Variants in RFX4 observed in about 807,000 individuals in gnomAD.
RFX4 encodes the protein regulatory factor X4, also known as transcription factor RFX4.
Under a neutral mutation model 95.0 loss-of-function variants are expected in RFX4, and 10 were observed. The ratio of observed to expected loss-of-function variants is 0.11; its 90% confidence interval spans 0.06 to 0.18. The LOEUF is 0.18. RFX4 is among the 10% of genes least tolerant of loss of function. The pLI is 1.00. For synonymous variants in RFX4, 321 were observed against 340.7 expected (o/e 0.94, Z 0.64); for missense variants, 640 against 922.0 (o/e 0.69, Z 3.96).
In RFX4 at chr12:106,720,821, C is replaced by T. The variant is rs2137529928; in HGVS notation, c.1296C>T (p.Ser432=). ...KVAQQFLLMW[S]CFGTRVIRDM... ...CCCAGCAGTTCCTCTTGATGTGGTC[C>T]TGTTTCGGCACAAGGGTGATCCGGG... Residue 432 remains serine (S), a synonymous_variant, in exon 13 of 18, where the codon TCC becomes TCT. Transcript: ENST00000392842. The surrounding 1 kb of genome is among the most constrained non-coding windows in gnomAD (Gnocchi z 4.2). 1.2e-6 allele frequency: 2 copies of T among 1,613,652 alleles called. No individual in the cohort carries two copies. Among genetic ancestry groups the T allele is most frequent in the East Asian group, 2.2e-5 (1 of 44,878 alleles).
chr12:106,732,228 A>T lies in RFX4; in HGVS notation c.1450A>T (p.Met484Leu), dbSNP rs747843571. ...QERANELMRA[M>L]KGEGSTAEVR... is the part of the protein sequence containing the mutation. ...GCGGGCCAATGAGCTCATGCGAGCC[A>T]TGAAGGGAGAAGGAAGCACTGGTAA... Residue 484 changes from methionine to leucine, a missense_variant, in exon 14 of 18, where the codon ATG (methionine) becomes TTG (leucine). By Grantham distance (15) the Met-to-Leu change is conservative. Coordinates refer to ENST00000392842, the MANE Select transcript of RFX4 (RefSeq NM_213594.3). 1.4e-5 allele frequency: 23 copies of T among 1,614,022 alleles called. No individual in the cohort carries two copies. In the East Asian group the frequency reaches 4.9e-4, roughly 34 times the overall value.
chr12:106,672,825 A>C (rs1278250988), intron 4 of RFX4, among the ~76,000 whole-genome samples: 2 of 150,828 alleles, frequency 1.3e-5, no homozygotes, highest in Non-Finnish European at 2.9e-5. Flanking sequence ...TGCAAGGAGG[A>C]GGTGCTATCT....
intron 13 of RFX4, among the ~76,000 whole-genome samples, chr12:106,731,158 G>A (rs140630962): frequency 3.0e-4 from 46 of 152,302 alleles, no homozygotes; most frequent in African/African-American, 1.1e-3. Flanking sequence ...AACATGGGAT[G>A]GGAGATAAAG....
Position 106,595,114 on chromosome 12 carries a change from A to G in RFX4, c.43+11751A>G, listed in dbSNP as rs575505554. The stretch of plus-strand genomic sequence containing the variant: ...ACACTTATGCATGTTACTTTATTTA[A>G]CTCACATATTGACTCTATGGTATTA... On this transcript the variant is annotated intron_variant, in intron 1 of 17. Coordinates refer to ENST00000392842, the MANE Select transcript of RFX4 (RefSeq NM_213594.3). 2.0e-5 allele frequency among the ~76,000 whole-genome samples: 3 copies of G among 152,212 alleles called. No homozygotes were observed. In the South Asian group the frequency reaches 6.2e-4, roughly 32 times the overall value.
Position 106,583,053 on chromosome 12 carries a change from C to G in RFX4, c.-268C>G. On this transcript the variant is annotated 5_prime_UTR_variant, in exon 1 of 18. Coordinates refer to ENST00000392842, the MANE Select transcript of RFX4 (RefSeq NM_213594.3). ...TTGCCCGGCTGGATTACTGAGTGTC[C>G]CCTTGCTCGCTCGCTTTTTCTCTCT... The G allele has an allele frequency of 2.4e-6, 1 of 425,236 alleles. No homozygotes were observed. Among genetic ancestry groups the G allele is most frequent in the East Asian group, 3.8e-5 (1 of 26,282 alleles). 26.3% of individuals were successfully genotyped at this position (425,236 alleles called of 1,614,324 possible). A position where few individuals can be genotyped will look rare whatever the true frequency, so the allele number is the denominator to read the frequency against.
chr12:106,589,728 G>A (rs1440822197), intron 1 of RFX4, among the ~76,000 whole-genome samples: 1 of 152,212 alleles, frequency 6.6e-6, no homozygotes, highest in Non-Finnish European at 1.5e-5. Context: ...CCCACTTGGT[G>A]AGAAGGGAAA....
chr12:106,731,095 AT>A (rs1472198536), intron 13 of RFX4, among the ~76,000 whole-genome samples: 1 of 152,170 alleles, frequency 6.6e-6, no homozygotes, highest in Non-Finnish European at 1.5e-5. Context: ...AGTTTTGGAC[AT>A]TTTAAAGGGA....
At chr12:106,641,505 G>A (rs747130480) in intron 3 of RFX4, among the ~76,000 whole-genome samples, 8 of 152,144 alleles carry the variant, frequency 5.3e-5, no homozygotes, top group Non-Finnish European at 7.3e-5. Flanking sequence ...AGCAGGCCCC[G>A]TCTCCTCCCT....
chr12:106,702,911 T>G (rs982451944), intron 8 of RFX4, among the ~76,000 whole-genome samples: 3 of 152,130 alleles, frequency 2.0e-5, no homozygotes, highest in African/African-American at 7.2e-5. Flanking sequence ...CAGAAAGGCT[T>G]CTTCTGTCCT....
intron 2 of RFX4, among the ~76,000 whole-genome samples, chr12:106,617,298 T>G (rs1287130062): frequency 6.6e-6 from 1 of 152,192 alleles, no homozygotes; most frequent in African/African-American, 2.4e-5. Context: ...CAGTTTAATT[T>G]GCTGTCTTTT....
intron 17 of RFX4, among the ~76,000 whole-genome samples, chr12:106,758,778 G>A (rs572247083): frequency 5.3e-5 from 8 of 152,202 alleles, no homozygotes; most frequent in Middle Eastern, 3.4e-3. Flanking sequence ...CCTTTGGGAC[G>A]GTCATATCAA....
At chr12:106,706,994 G>T (rs1322274712) in intron 8 of RFX4, among the ~76,000 whole-genome samples, 4 of 152,154 alleles carry the variant, frequency 2.6e-5, no homozygotes, top group Admixed American at 1.3e-4. Flanking sequence ...TTGCCAGTGA[G>T]AAATGCACAC....
At chr12:106,605,861 A>G (rs1019867254) in intron 1 of RFX4, among the ~76,000 whole-genome samples, 6 of 152,336 alleles carry the variant, frequency 3.9e-5, no homozygotes, top group Admixed American at 1.3e-4. Flanking sequence ...CTGTGGGGTC[A>G]GAGTGATCTG....
chr12:106,691,449 G>A lies in RFX4; in HGVS notation c.669+2085G>A, dbSNP rs145083813. ...AGGAATATTTGGTGGCTGCTTTTAAGATAGCTAATTCTTCTCAGCCACAGA... is the reference window on the plus strand; with the variant it reads ...AGGAATATTTGGTGGCTGCTTTTAAAATAGCTAATTCTTCTCAGCCACAGA... On this transcript the variant is annotated intron_variant, in intron 7 of 17. Coordinates refer to ENST00000392842, the MANE Select transcript of RFX4 (RefSeq NM_213594.3). Among the ~76,000 whole-genome samples, 5 of 152,336 alleles carry A rather than the reference G, an allele frequency of 3.3e-5. No homozygotes were observed. In the East Asian group the frequency reaches 9.6e-4, roughly 29 times the overall value.
chr12:106,637,644 G>A (rs975246175), intron 2 of RFX4, among the ~76,000 whole-genome samples: 1 of 151,502 alleles, frequency 6.6e-6, no homozygotes, highest in African/African-American at 2.4e-5. Flanking sequence ...GGAATTTTAT[G>A]TTGACTGTTC....
intron 13 of RFX4, among the ~76,000 whole-genome samples, chr12:106,726,253 A>G (rs2042494636): frequency 6.6e-6 from 1 of 151,698 alleles, no homozygotes; most frequent in Non-Finnish European, 1.5e-5. Context: ...ATCTAAAAAA[A>G]AAAAAAAGAA....
At chr12:106,645,172 T>C (rs1042733588) in intron 3 of RFX4, among the ~76,000 whole-genome samples, 3 of 152,216 alleles carry the variant, frequency 2.0e-5, no homozygotes. Context: ...AAATGCCTTC[T>C]GCCAAACACT....
intron 3 of RFX4, among the ~76,000 whole-genome samples, chr12:106,649,389 C>G (rs2040817806): frequency 6.6e-6 from 1 of 152,166 alleles, no homozygotes; most frequent in African/African-American, 2.4e-5. Context: ...GTTCATAGAG[C>G]TTATTAAAAT....
At chr12:106,759,746 C>CAG (rs1320389474) in intron 17 of RFX4, among the ~76,000 whole-genome samples, 14 of 152,290 alleles carry the variant, frequency 9.2e-5, no homozygotes, top group Admixed American at 9.1e-4. Flanking sequence ...CTTGAGTTCC[C>CAG]AGACACCACC....
Sources: gnomAD v4.1 joint callset for allele counts (sites outside exome capture counted in the v4.1 genomes callset) on GRCh38, gnomAD v4.1.1 for gene constraint, Gnocchi (gnomAD v3.1) non-coding constraint, MANE v1.5 for transcripts, NCBI Gene and HGNC (gene_info 2026-07-23, HGNC 2026-07-21) for gene names.